Variants in CADPS observed in about 807,000 individuals in gnomAD.
CADPS encodes calcium-dependent secretion activator 1.
Under a neutral mutation model 167.3 loss-of-function variants are expected in CADPS, and 57 were observed. The ratio of observed to expected loss-of-function variants is 0.34; its 90% CI spans 0.28 to 0.42. The LOEUF is 0.42. CADPS is among the 20% of genes least tolerant of loss of function. The pLI is 1.00. For missense variants in CADPS, 1,414 were observed against 1,738.1 expected (o/e 0.81, Z 3.32); for synonymous variants, 676 against 635.3 (o/e 1.06, Z -0.96).
chr3:62,445,019 T>C (rs1253029141), intron 27 of CADPS, among the ~76,000 whole-genome samples: 1 of 152,216 alleles, frequency 6.6e-6, no homozygotes, highest in African/African-American at 2.4e-5. Context: ...CTGGAATATA[T>C]TAAAATCTCT....
intron 4 of CADPS, among the ~76,000 whole-genome samples, chr3:62,659,562 T>C (rs1328703215): frequency 6.6e-6 from 1 of 152,066 alleles, no homozygotes; most frequent in Non-Finnish European, 1.5e-5. Context: ...ATGTGTTGGC[T>C]TTATTTTCTC....
intron 1 of CADPS, among the ~76,000 whole-genome samples, chr3:62,777,795 A>G (rs542960596): frequency 6.6e-6 from 1 of 152,348 alleles, no homozygotes; most frequent in Admixed American, 6.5e-5. Context: ...AGCAGCACAC[A>G]TGATGCAGGC....
rs1456743239 is a variant in CADPS at position 62,413,869 on chromosome 3, T to C, written c.3778-10684A>G. ...ATGTAGCAATGTACATATTCTAATCTGGCACACCCAAACATACTTTAAAAA... is the reference window on the plus strand; with the variant it reads ...ATGTAGCAATGTACATATTCTAATCCGGCACACCCAAACATACTTTAAAAA... On this transcript the variant is annotated intron_variant, in intron 28 of 29. Transcript: ENST00000383710. 2.7e-5 allele frequency among the ~76,000 whole-genome samples: 4 copies of C among 146,180 alleles called. No homozygotes were observed. In the South Asian group the frequency reaches 9.0e-4, roughly 33 times the overall value.
chr3:62,551,679 C>T (rs936273871), intron 10 of CADPS, among the ~76,000 whole-genome samples: 2 of 152,174 alleles, frequency 1.3e-5, no homozygotes, highest in African/African-American at 4.8e-5. Context: ...CTCTCTCTCT[C>T]CCTCTATGCA....
chr3:62,701,309 G>C (rs897727393), intron 3 of CADPS, among the ~76,000 whole-genome samples: 1 of 152,090 alleles, frequency 6.6e-6, no homozygotes, highest in Non-Finnish European at 1.5e-5. Context: ...TGTGGGGATT[G>C]GGGCTGCAGG....
In CADPS at chr3:62,420,755, G is replaced by A. The variant is rs922814554; in HGVS notation, c.3777+17349C>T. 1.3e-5 allele frequency among the ~76,000 whole-genome samples: 2 copies of A among 151,992 alleles called. No individual in the cohort carries two copies. ...ACAGCTGGGTTCTGCCTCCAATGGC[G>A]CCCTTTCCTCTTGCTTTATTTTTAC... On this transcript the variant is annotated intron_variant, in intron 28 of 29. Transcript: ENST00000383710. The surrounding 1 kb of genome is among the most constrained non-coding windows in gnomAD (Gnocchi z 4.1).
At chr3:62,616,250 T>A (rs1337931409) in intron 6 of CADPS, among the ~76,000 whole-genome samples, 1 of 152,242 alleles carries the variant, frequency 6.6e-6, no homozygotes, top group Non-Finnish European at 1.5e-5. Context: ...CATTAAAAAT[T>A]TGACATGTGT....
chr3:62,846,979 T>C (rs2077555384), intron 1 of CADPS, among the ~76,000 whole-genome samples: 1 of 152,182 alleles, frequency 6.6e-6, no homozygotes, highest in South Asian at 2.1e-4. Context: ...AGGTGGGTCT[T>C]TTAGTTAGTA....
chr3:62,525,022 A>G (rs1267030795), intron 13 of CADPS, among the ~76,000 whole-genome samples: 1 of 152,164 alleles, frequency 6.6e-6, no homozygotes, highest in Non-Finnish European at 1.5e-5. Context: ...TTTTGATATC[A>G]CATCCACTCT....
intron 17 of CADPS, among the ~76,000 whole-genome samples, chr3:62,505,742 C>T (rs952479887): frequency 6.6e-6 from 1 of 152,194 alleles, no homozygotes; most frequent in African/African-American, 2.4e-5. Context: ...TCTGTCGATG[C>T]TTCTACTTGA....
intron 3 of CADPS, among the ~76,000 whole-genome samples, chr3:62,720,346 T>G (rs530875642): frequency 2.6e-5 from 4 of 151,852 alleles, no homozygotes; most frequent in African/African-American, 9.7e-5. Context: ...TGTTTGTTTT[T>G]TTTTGAAACA....
At chr3:62,552,604 T>A (rs13067885) in intron 10 of CADPS, among the ~76,000 whole-genome samples, 124,295 of 152,158 alleles carry the variant, frequency 0.82, 51,883 homozygotes, top group Middle Eastern at 0.93. Flanking sequence ...TCCAGTGAGG[T>A]CCAGCCAGTA....
At chr3:62,586,477 A>G (rs2084658698) in intron 7 of CADPS, among the ~76,000 whole-genome samples, 1 of 152,134 alleles carries the variant, frequency 6.6e-6, no homozygotes, top group South Asian at 2.1e-4. Context: ...GTGAAACAAG[A>G]CTGCTGAGAG....
At chr3:62,678,137 C>A (rs1456276388) in intron 3 of CADPS, among the ~76,000 whole-genome samples, 1 of 152,058 alleles carries the variant, frequency 6.6e-6, no homozygotes, top group Admixed American at 6.6e-5. Flanking sequence ...ACAAACCACA[C>A]CTTCAACCTG....
intron 17 of CADPS, among the ~76,000 whole-genome samples, chr3:62,511,847 A>T (rs906073107): frequency 6.6e-6 from 1 of 152,140 alleles, no homozygotes; most frequent in Admixed American, 6.6e-5. Flanking sequence ...CTGGCTTTTA[A>T]CACTGTACCT....
At position 62,624,338 on chromosome 3, in the gene CADPS, A is replaced by C. The variant is rs557942093; in HGVS notation, c.1325+21384T>G. The stretch of plus-strand genomic sequence containing the variant: ...AATCTCTTCTCCTCATTCCCATCCC[A>C]GTGTATTTGCAAACCCTTCCCAGTT... On this transcript the variant is annotated intron_variant, in intron 6 of 29. Coordinates refer to ENST00000383710, the MANE Select transcript of CADPS (RefSeq NM_003716.4). 9.2e-5 allele frequency among the ~76,000 whole-genome samples: 14 copies of C among 152,192 alleles called. No homozygotes were observed. In the South Asian group the frequency reaches 2.9e-3, roughly 32 times the overall value.
In CADPS at chr3:62,687,734, A is replaced by ATTTTTTTTTTTTTTT. The variant is rs201429638; in HGVS notation, c.889-25355_889-25341dup. ...TTGCTACTTCCGGGGTTCCCTTCGC[A>ATTTTTTTTTTTTTTT]TTTTTTTTTTTTTTTTTTGCTTCTA... On this transcript the variant is annotated intron_variant, in intron 3 of 29. Coordinates refer to ENST00000383710, the MANE Select transcript of CADPS (RefSeq NM_003716.4). Among the ~76,000 whole-genome samples the ATTTTTTTTTTTTTTT allele has an allele frequency of 3.1e-5, 4 of 128,338 alleles. 1 individual carries two copies. The highest frequency in any genetic ancestry group is 1.6e-5 in the Non-Finnish European group (1 of 61,718). The allele number at this position is 128,338 out of a possible 152,430, so 84.2% of individuals were successfully genotyped here. A position where few individuals can be genotyped will look rare whatever the true frequency, so the allele number is the denominator to read the frequency against.
At chr3:62,472,698 A>G (rs1455616709) in intron 24 of CADPS, among the ~76,000 whole-genome samples, 1 of 152,232 alleles carries the variant, frequency 6.6e-6, no homozygotes, top group African/African-American at 2.4e-5. Flanking sequence ...AACACCCTGA[A>G]TAAAACTAGA....
At chr3:62,790,944 T>C (rs2092881767) in intron 1 of CADPS, among the ~76,000 whole-genome samples, 1 of 152,144 alleles carries the variant, frequency 6.6e-6, no homozygotes, top group Admixed American at 6.5e-5. Context: ...TTCTGTGTTA[T>C]TTTAAAAATG....
Sources: gnomAD v4.1 joint callset for allele counts (sites outside exome capture counted in the v4.1 genomes callset) on GRCh38, gnomAD v4.1.1 for gene constraint, Gnocchi (gnomAD v3.1) non-coding constraint, MANE v1.5 for transcripts, NCBI Gene and HGNC (gene_info 2026-07-23, HGNC 2026-07-21) for gene names.